Variants in SQOR observed in about 807,000 individuals in gnomAD.
SQOR encodes the protein sulfide:quinone oxidoreductase, mitochondrial.
SQOR carries 39 observed loss-of-function variants against 48.6 expected under a neutral mutation model. The observed-to-expected ratio is 0.80, with a 90% CI of 0.62 to 1.05. The LOEUF is 1.05. SQOR is among the 50% of genes least tolerant of loss of function. The pLI, the probability that SQOR is intolerant of heterozygous loss-of-function variation, is 0.00. For synonymous variants in SQOR, 220 were observed against 206.2 expected (o/e 1.07, Z -0.57); for missense variants, 561 against 559.9 (o/e 1.00, Z -0.02).
chr15:45,644,592 T>C (rs1398350740), intron 1 of SQOR, among the ~76,000 whole-genome samples: 1 of 152,206 alleles, frequency 6.6e-6, no homozygotes, highest in African/African-American at 2.4e-5. Context: ...AAGAAGCTCT[T>C]ACTCACAGTT....
chr15:45,649,887 C>T (rs772405261), intron 1 of SQOR, among the ~76,000 whole-genome samples: 11 of 152,146 alleles, frequency 7.2e-5, no homozygotes, highest in Admixed American at 2.0e-4. Flanking sequence ...GACAGTCTTC[C>T]TGTCACCCAG....
upstream of SQOR, among the ~76,000 whole-genome samples, chr15:45,634,091 G>C (rs1441335709): frequency 6.7e-6 from 1 of 150,252 alleles, no homozygotes; most frequent in Non-Finnish European, 1.5e-5. Flanking sequence ...CACCAGAATT[G>C]GTTGAACCCA....
At chr15:45,632,524 A>G (rs1352999578), upstream of SQOR, among the ~76,000 whole-genome samples, 1 of 151,856 alleles carries the variant, frequency 6.6e-6, no homozygotes, top group African/African-American at 2.4e-5. Context: ...CCAGCCCAGG[A>G]CATGTTTCTT....
At chr15:45,646,507 G>A (rs1199149720) in intron 1 of SQOR, among the ~76,000 whole-genome samples, 4 of 152,154 alleles carry the variant, frequency 2.6e-5, no homozygotes, top group Admixed American at 2.0e-4. Context: ...GAATTGTAAA[G>A]CTCTATGCAC....
chr15:45,687,894 G>T (rs1299776416), intron 7 of SQOR, among the ~76,000 whole-genome samples: 2 of 152,174 alleles, frequency 1.3e-5, no homozygotes. Flanking sequence ...TCCTGCCTCA[G>T]CCAGGACAGT....
chr15:45,644,633 T>C (rs1284908104), intron 1 of SQOR, among the ~76,000 whole-genome samples: 1 of 152,028 alleles, frequency 6.6e-6, no homozygotes, highest in Non-Finnish European at 1.5e-5. Context: ...ACACCTCACA[T>C]GGGGCCATAT....
chr15:45,687,743 TTCTG>T (rs56081932), intron 7 of SQOR, among the ~76,000 whole-genome samples: 24,871 of 152,036 alleles, frequency 0.16, 2,353 homozygotes, highest in East Asian at 0.42. Flanking sequence ...CTGTCTGTCG[TTCTG>T]TCTGTCTGTC....
At chr15:45,680,031 TGATA>T (rs1427354867) in intron 6 of SQOR, among the ~76,000 whole-genome samples, 14 of 152,352 alleles carry the variant, frequency 9.2e-5, no homozygotes, top group African/African-American at 3.4e-4. Flanking sequence ...CAGAAATAAA[TGATA>T]GATAATGAAC....
At chr15:45,688,490 C>T (rs554617892) in intron 8 of SQOR, 86 bp downstream of exon 8, 20 of 961,244 alleles carry the variant, frequency 2.1e-5, no homozygotes, top group South Asian at 9.0e-5. Flanking sequence ...TTTGCACTTT[C>T]TGTCTTTTCT....
chr15:45,651,756 A>C (rs1469543360), intron 1 of SQOR, among the ~76,000 whole-genome samples: 1 of 152,112 alleles, frequency 6.6e-6, no homozygotes, highest in Non-Finnish European at 1.5e-5. Context: ...GGCATGAGCC[A>C]CCGTACCCGG....
chr15:45,644,202 C>T (rs751181288), intron 1 of SQOR, among the ~76,000 whole-genome samples: 1 of 152,138 alleles, frequency 6.6e-6, no homozygotes, highest in Non-Finnish European at 1.5e-5. Context: ...TTTCTCCTGC[C>T]TCAGCCTCCT....
intron 3 of SQOR, among the ~76,000 whole-genome samples, chr15:45,667,011 CCCCT>C (rs767904608): frequency 1.4e-3 from 29 of 20,810 alleles, no homozygotes; most frequent in African/African-American, 5.4e-3. Context: ...CTTCTCCTTC[CCCCT>C]CCCTCCCTCC....
chr15:45,682,405 A>T (rs539270105), intron 6 of SQOR, 73 bp from the exon 7 acceptor site: 2 of 1,515,236 alleles, frequency 1.3e-6, no homozygotes, highest in Non-Finnish European at 1.8e-6. Flanking sequence ...AGAGTAAGGA[A>T]GGTAGGGGGA....
At position 45,635,686 on chromosome 15, in the gene SQOR, A is replaced by G. The variant is rs117168857; in HGVS notation, c.-18+578A>G. On this transcript the variant is annotated intron_variant, in intron 1 of 9. Transcript: ENST00000260324. Reference sequence around the variant, plus strand: ...CCTTTCCTCTTCATCTGTCTCTTTTATTTATCAAAATTCCAACCTGGCTTT... The same window carrying G: ...CCTTTCCTCTTCATCTGTCTCTTTTGTTTATCAAAATTCCAACCTGGCTTT... Among the ~76,000 whole-genome samples the G allele has an allele frequency of 6.9e-3, 1,044 of 152,246 alleles. 4 individuals are homozygous for G. Among genetic ancestry groups the G allele is most frequent in the Non-Finnish European group, 0.013 (851 of 68,020 alleles).
At position 45,676,106 on chromosome 15, in the gene SQOR, GAAGCGATCC is replaced by G. The variant is rs1364636501; in HGVS notation, c.664_672del (p.Arg222_Lys224del). On this transcript the variant is annotated inframe_deletion, in exon 6 of 10. Coordinates refer to ENST00000260324, the MANE Select transcript of SQOR (RefSeq NM_021199.4). Reference sequence around the variant, plus strand: ...GGTTTTCTTATTTTTCTCAGACAGGGAAGCGATCCAAGGCCAATATCATTTTCAACACTT... The same window carrying G: ...GGTTTTCTTATTTTTCTCAGACAGGGAAGGCCAATATCATTTTCAACACTT... 6.2e-7 allele frequency: 1 copy of G among 1,613,062 alleles called. No individual in the cohort carries two copies. The highest frequency in any genetic ancestry group is 1.3e-5 in the African/African-American group (1 of 74,798).
rs764345186 is a variant in SQOR at position 45,673,658 on chromosome 15, T to A, written c.511T>A (p.Ser171Thr). The A allele has an allele frequency of 6.2e-7, 1 of 1,614,214 alleles. No homozygotes were observed. Among genetic ancestry groups the A allele is most frequent in the East Asian group, 2.2e-5 (1 of 44,890 alleles). ...FAHPKIGSNY[S>T]VKTVEKTWKA... Reference sequence around the variant, plus strand: ...TCATCCCAAAATAGGGTCGAATTATTCAGTTAAGACTGTAGAGAAGACATG... The same window carrying A: ...TCATCCCAAAATAGGGTCGAATTATACAGTTAAGACTGTAGAGAAGACATG... The change falls in exon 5 of 10, where the codon TCA becomes ACA. Residue 171 changes from serine (S) to threonine (T), a missense_variant. By Grantham distance (58) the Ser-to-Thr change is moderately conservative. Transcript: ENST00000260324.
intron 1 of SQOR, among the ~76,000 whole-genome samples, chr15:45,653,110 A>G (rs1224288009): frequency 6.6e-6 from 1 of 152,158 alleles, no homozygotes; most frequent in Non-Finnish European, 1.5e-5. Flanking sequence ...AACATCAAAT[A>G]TATGTTCTCT....
At chr15:45,663,658 T>G (rs1889760640) in intron 3 of SQOR, among the ~76,000 whole-genome samples, 1 of 152,116 alleles carries the variant, frequency 6.6e-6, no homozygotes, top group Non-Finnish European at 1.5e-5. Flanking sequence ...TTCCAGCTAC[T>G]TGGGAGGCTA....
chr15:45,655,358 A>C (rs1889581799), intron 1 of SQOR, among the ~76,000 whole-genome samples: 1 of 152,174 alleles, frequency 6.6e-6, no homozygotes, highest in Admixed American at 6.5e-5. Flanking sequence ...GAAAGTGAGA[A>C]GTTTTGCTGT....
Sources: gnomAD v4.1 joint callset for allele counts (sites outside exome capture counted in the v4.1 genomes callset) on GRCh38, gnomAD v4.1.1 for gene constraint, MANE v1.5 for transcripts, NCBI Gene and HGNC (gene_info 2026-07-23, HGNC 2026-07-21) for gene names.